ZNF208: variants seen among roughly 807,000 people sequenced by gnomAD.
ZNF208 encodes the protein zinc finger protein 95.
In ZNF208, 10 loss-of-function variants were observed where a neutral mutation model predicts 12.1. The observed-to-expected ratio is 0.83, with a 90% confidence interval of 0.51 to 1.40. The LOEUF (loss-of-function observed/expected upper bound fraction) is 1.40, where lower values mean the gene tolerates loss of function less well. ZNF208 is among the 40% of genes most tolerant of loss of function. The probability of loss-of-function intolerance (pLI) is 0.00; values close to 1 mark genes in which losing one functional copy is unlikely to be tolerated. For missense variants in ZNF208, 1,652 were observed against 1,485.0 expected (o/e 1.11, Z -1.85); for synonymous variants, 497 against 488.4 (o/e 1.02, Z -0.23).
intron 4 of ZNF208, among the ~76,000 whole-genome samples, chr19:21,948,055 G>C (rs1417736059): frequency 6.6e-6 from 1 of 152,128 alleles, no homozygotes; most frequent in East Asian, 1.9e-4. Flanking sequence ...AAGGAAGGTC[G>C]AGAAGTGGTA....
At chr19:22,005,987 T>C (rs1478126806) in intron 1 of ZNF208, among the ~76,000 whole-genome samples, 1 of 152,032 alleles carries the variant, frequency 6.6e-6, no homozygotes, top group Non-Finnish European at 1.5e-5. Context: ...ATTTTCTTCT[T>C]CTTCTCATTA....
chr19:22,008,616 A>AT (rs747218106), intron 1 of ZNF208, among the ~76,000 whole-genome samples: 7 of 148,666 alleles, frequency 4.7e-5, no homozygotes, highest in Non-Finnish European at 7.4e-5. Flanking sequence ...TTATTTCACT[A>AT]TTTTTCTGTC....
chr19:21,973,895 C>A lies in ZNF208; in HGVS notation c.1139G>T (p.Trp380Leu). 6.2e-7 allele frequency: 1 copy of A among 1,607,980 alleles called. No homozygotes were observed. Among genetic ancestry groups the A allele is most frequent in the Non-Finnish European group, 8.5e-7 (1 of 1,178,494 alleles). Residue 380 changes from tryptophan to leucine, a missense_variant, in exon 4 of 4, where the codon TGG becomes TTG. Coordinates refer to ENST00000397126, the MANE Select transcript of ZNF208 (RefSeq NM_007153.3). ...KCEECGKAYK[W>L]PSTLSYHKKI... The stretch of plus-strand genomic sequence containing the variant: ...CTTATGATAACTAAGGGTTGAGGGC[C>A]ACTTATAGGCTTTGCCGCATTCTTC...
chr19:21,943,246 A>C (rs1423739987), intron 4 of ZNF208, among the ~76,000 whole-genome samples: 1 of 152,206 alleles, frequency 6.6e-6, no homozygotes, highest in Non-Finnish European at 1.5e-5. Context: ...AAATGTAGTA[A>C]AATAGAGCTT....
intron 1 of ZNF208, among the ~76,000 whole-genome samples, chr19:21,995,942 T>C (rs1470812012): frequency 6.6e-5 from 10 of 152,334 alleles, no homozygotes; most frequent in Admixed American, 2.6e-4. Flanking sequence ...CCTGTTGGTT[T>C]TCTGTAAATT....
intron 1 of ZNF208, among the ~76,000 whole-genome samples, chr19:21,989,283 G>A (rs764312895): frequency 5.6e-5 from 7 of 123,966 alleles, no homozygotes; most frequent in Admixed American, 1.1e-4. Context: ...TTCCCCTTCC[G>A]GTGTCCATGT....
In ZNF208 at chr19:21,974,378, T is replaced by C. The variant is rs762729026; in HGVS notation, c.656A>G (p.Tyr219Cys). 4.3e-6 allele frequency: 7 copies of C among 1,613,790 alleles called. No homozygotes were observed. Among genetic ancestry groups the C allele is most frequent in the Non-Finnish European group, 5.9e-6 (7 of 1,179,804 alleles). ...AFNWSSTLTY[Y>C]KSAHTGEKPY... ...TTTCTCTCCAGTATGAGCACTCTTA[T>C]AATAAGTAAGGGTTGAGGACCAGTT... The change falls in exon 4 of 4, where the codon TAT becomes TGT. Residue 219 changes from tyrosine to cysteine, a missense_variant. Around this residue, in one of 3 missense-constraint regions of ZNF208, gnomAD observed 410 missense variants for 378.2 expected, o/e 1.08. Coordinates refer to ENST00000397126, the MANE Select transcript of ZNF208 (RefSeq NM_007153.3).
intron 4 of ZNF208, among the ~76,000 whole-genome samples, chr19:21,959,400 T>A (rs1973597): frequency 0.011 from 1,748 of 152,194 alleles, 35 homozygotes; most frequent in African/African-American, 0.041. Context: ...AAAGAAAAAT[T>A]AACTTATTTT....
chr19:21,971,678 C>A lies in ZNF208; in HGVS notation c.3356G>T (p.Gly1119Val), dbSNP rs778156623. 1 of 1,613,714 alleles carries A rather than the reference C, an allele frequency of 6.2e-7. No homozygotes were observed. Among genetic ancestry groups the A allele is most frequent in the Admixed American group, 1.7e-5 (1 of 59,960 alleles). The change falls in exon 4 of 4, where the codon GGC (glycine) becomes GTC (valine). Residue 1119 changes from glycine to valine, a missense_variant. By Grantham distance (109) the Gly-to-Val change is moderately radical (BLOSUM62 -3). Around this residue, in one of 3 missense-constraint regions of ZNF208, gnomAD observed 1,239 missense variants for 1,086.2 expected, o/e 1.14. Coordinates refer to ENST00000397126, the MANE Select transcript of ZNF208 (RefSeq NM_007153.3). Reference sequence around the variant, plus strand: ...GATTGAGAACGTACTAAAGCTTTTGCCACATTCTTCACATTTGTAGGGTTT... The same window carrying A: ...GATTGAGAACGTACTAAAGCTTTTGACACATTCTTCACATTTGTAGGGTTT... ...GEKPYKCEEC[G>V]KSFSTFSILT...
chr19:21,945,574 T>C (rs1969803739), intron 4 of ZNF208, among the ~76,000 whole-genome samples: 1 of 152,220 alleles, frequency 6.6e-6, no homozygotes. Context: ...ATATCTCTCA[T>C]GTTTCACCTT....
chr19:21,962,051 A>G (rs1970080032), downstream of ZNF208, among the ~76,000 whole-genome samples: 2 of 152,228 alleles, frequency 1.3e-5, no homozygotes, highest in Admixed American at 1.3e-4. Flanking sequence ...ATAAATGTCC[A>G]TGAAATCTTC....
Position 21,959,335 on chromosome 19 carries a change from TCA to T in ZNF208, c.305+15392_305+15393del, listed in dbSNP as rs1378542656. Among the ~76,000 whole-genome samples the T allele has an allele frequency of 4.6e-5, 7 of 152,318 alleles. No homozygotes were observed. The East Asian group carries it at 1.4e-3, about 29-fold the overall frequency. ...TACCCATGTGAAGTGTTCTTCTCTCTCACTTTAGTCTCAATTCCCAACCTTAC... is the reference window on the plus strand; with the variant it reads ...TACCCATGTGAAGTGTTCTTCTCTCTCTTTAGTCTCAATTCCCAACCTTAC... On this transcript the variant is annotated intron_variant, in intron 4 of 4. Coordinates refer to the ZNF208 transcript ENST00000599916.
At chr19:21,941,275 C>T in intron 4 of ZNF208, 2 of 399,142 alleles carry the variant, frequency 5.0e-6, no homozygotes, top group Admixed American at 4.4e-5. Context: ...TAGCAGAAAC[C>T]AAAGGCAGAC....
At chr19:21,963,951 T>C (rs911285937), downstream of ZNF208, among the ~76,000 whole-genome samples, 3 of 151,926 alleles carry the variant, frequency 2.0e-5, no homozygotes, top group African/African-American at 7.2e-5. Flanking sequence ...TATAGTAAAC[T>C]ATAAAGTATT....
Position 21,973,951 on chromosome 19 carries a change from T to C in ZNF208, c.1083A>G (p.Val361=), listed in dbSNP as rs1198641987. Residue 361 remains valine, a synonymous_variant, in exon 4 of 4, where the codon GTA becomes GTG. Coordinates refer to ENST00000397126, the MANE Select transcript of ZNF208 (RefSeq NM_007153.3). ...SKFSILTKHK[V]IHTGEKPYKC... Reference sequence around the variant, plus strand: ...TGTAGGGTTTCTCTCCAGTATGAATTACCTTATGTTTAGTAAGGATTGAGA... The same window carrying C: ...TGTAGGGTTTCTCTCCAGTATGAATCACCTTATGTTTAGTAAGGATTGAGA... 26 of 1,613,434 alleles carry C rather than the reference T, an allele frequency of 1.6e-5. No individual in the cohort carries two copies. The highest frequency in any genetic ancestry group is 1.7e-5 in the Non-Finnish European group (20 of 1,179,858).
At chr19:21,957,503 T>A (rs1335584268) in intron 4 of ZNF208, among the ~76,000 whole-genome samples, 1 of 152,176 alleles carries the variant, frequency 6.6e-6, no homozygotes, top group African/African-American at 2.4e-5. Context: ...TACACAGTCC[T>A]CATACAAAAT....
At chr19:22,006,674 C>T (rs1470001648) in intron 1 of ZNF208, among the ~76,000 whole-genome samples, 1 of 152,154 alleles carries the variant, frequency 6.6e-6, no homozygotes, top group African/African-American at 2.4e-5. Flanking sequence ...TAATAACCTC[C>T]GTCTGCTGGC....
intron 4 of ZNF208, among the ~76,000 whole-genome samples, chr19:21,952,763 C>T (rs1451156722): frequency 6.6e-6 from 1 of 152,170 alleles, no homozygotes; most frequent in Non-Finnish European, 1.5e-5. Flanking sequence ...ACCTTTTCTC[C>T]TCCAAAGGAT....
At chr19:21,956,222 C>A (rs1007442398) in intron 4 of ZNF208, among the ~76,000 whole-genome samples, 1 of 152,186 alleles carries the variant, frequency 6.6e-6, no homozygotes. Context: ...GGGCACCCGG[C>A]TGTATGAGGT....
Sources: allele counts gnomAD v4.1 joint callset (sites outside exome capture counted in the v4.1 genomes callset), GRCh38; gene constraint gnomAD v4.1.1; regional missense constraint gnomAD v4.1.1; transcripts MANE v1.5; gene names NCBI Gene and HGNC (gene_info 2026-07-23, HGNC 2026-07-21).